Variants in ALMS1 observed in about 807,000 individuals in gnomAD.
The protein encoded by ALMS1 is ALMS1 centrosome and basal body associated protein, also known as centrosome-associated protein ALMS1.
Under a neutral mutation model 352.2 loss-of-function variants are expected in ALMS1, and 271 were observed. The observed-to-expected ratio is 0.77, with a 90% confidence interval of 0.70 to 0.85. ALMS1 has a LOEUF of 0.85. Ranked by LOEUF, ALMS1 falls within the 40% of genes least tolerant of loss-of-function variation. The pLI is 0.00. For missense variants in ALMS1, 5,445 were observed against 4,870.7 expected (o/e 1.12, Z -3.51); for synonymous variants, 1,865 against 1,761.2 (o/e 1.06, Z -1.48).
Position 73,519,986 on chromosome 2 carries a change from C to T in ALMS1, c.9751C>T (p.Gln3251Ter). Residue 3251 changes from glutamine (Q) to a stop codon, truncating the protein, a stop_gained, in exon 11 of 23, where the codon CAA (glutamine) becomes TAA (stop). Transcript: ENST00000613296. LOFTEE classifies it high-confidence loss of function. ...CAAGTTTGCCTCATCATCTTCAGTC[C>T]AACAGGTTACTTTTTCTCGCGGCAC... is the stretch of plus-strand genomic sequence containing the variant. ...PVKFASSSSV[Q>*]QVTFSRGTDG... 6.2e-7 allele frequency: 1 copy of T among 1,614,034 alleles called. No homozygotes were observed. Among genetic ancestry groups the T allele is most frequent in the Non-Finnish European group, 8.5e-7 (1 of 1,179,950 alleles).
chr2:73,485,727 C>A (rs964070300), intron 9 of ALMS1, among the ~76,000 whole-genome samples: 1 of 152,144 alleles, frequency 6.6e-6, no homozygotes, highest in Non-Finnish European at 1.5e-5. Flanking sequence ...ATCAGCGAGA[C>A]TCCGTGGGCC....
chr2:73,448,778 G>T lies in ALMS1; in HGVS notation c.2251G>T (p.Asp751Tyr). The change falls in exon 8 of 23, where the codon GAC becomes TAC. Residue 751 changes from aspartate to tyrosine, a missense_variant. By Grantham distance (160) the Asp-to-Tyr change is radical. Transcript: ENST00000613296. The stretch of plus-strand genomic sequence containing the variant: ...AGTTTCAGCCACTCCTGGACCAGCT[G>T]ACCAGAAGACTGAGATACCAGCAGT... ...TKVSATPGPA[D>Y]QKTEIPAVQS... is the part of the protein sequence containing the mutation. The T allele has an allele frequency of 6.2e-7, 1 of 1,614,152 alleles. No homozygotes were observed. Among genetic ancestry groups the T allele is most frequent in the South Asian group, 1.1e-5 (1 of 91,084 alleles).
At chr2:73,421,994 A>G (rs1014696208) in intron 3 of ALMS1, among the ~76,000 whole-genome samples, 2 of 152,162 alleles carry the variant, frequency 1.3e-5, no homozygotes, top group African/African-American at 4.8e-5. Context: ...TTTTTGGGTA[A>G]CAGGATTCTT....
intron 16 of ALMS1, among the ~76,000 whole-genome samples, chr2:73,576,770 G>T (rs1395717729): frequency 2.0e-5 from 3 of 151,812 alleles, no homozygotes; most frequent in African/African-American, 7.3e-5. Context: ...ACAGGTGCCT[G>T]ACACCATGCC....
chr2:73,422,896 T>C lies in ALMS1; in HGVS notation c.686T>C (p.Leu229Pro), dbSNP rs957824309. The C allele has an allele frequency of 5.6e-6, 9 of 1,613,716 alleles. No homozygotes were observed. Among genetic ancestry groups the C allele is most frequent in the Middle Eastern group, 1.6e-4 (1 of 6,080 alleles). ...TTTGCTTCTCCTGATTTGCCTTTGC[T>C]GACCTGTTTGACACAAGACCAAGAA... ...DSFASPDLPLLTCLTQDQEFA... is the reference protein window; with the variant it reads ...DSFASPDLPLPTCLTQDQEFA... Residue 229 changes from leucine (L) to proline (P), a missense_variant, in exon 4 of 23, where the codon CTG (leucine) becomes CCG (proline). Coordinates refer to ENST00000613296, the MANE Select transcript of ALMS1 (RefSeq NM_001378454.1).
intron 9 of ALMS1, among the ~76,000 whole-genome samples, chr2:73,476,460 T>C (rs2103854519): frequency 6.6e-6 from 1 of 152,230 alleles, no homozygotes; most frequent in African/African-American, 2.4e-5. Context: ...TTTTAAGTTT[T>C]TGAGGAAGCT....
intron 13 of ALMS1, among the ~76,000 whole-genome samples, chr2:73,554,685 C>A (rs1271236584): frequency 6.6e-6 from 1 of 152,096 alleles, no homozygotes; most frequent in Non-Finnish European, 1.5e-5. Flanking sequence ...TGCACTCCAG[C>A]CTGTCGTATT....
chr2:73,440,406 A>C (rs1435725332), intron 7 of ALMS1, among the ~76,000 whole-genome samples: 1 of 151,578 alleles, frequency 6.6e-6, no homozygotes, highest in Non-Finnish European at 1.5e-5. Flanking sequence ...GACTCATCTT[A>C]TTTGCATCAT....
At chr2:73,466,392 C>G (rs1004278879) in intron 9 of ALMS1, among the ~76,000 whole-genome samples, 1 of 150,074 alleles carries the variant, frequency 6.7e-6, no homozygotes, top group Non-Finnish European at 1.5e-5. Flanking sequence ...GGACAAAAAA[C>G]CAAACACCAC....
intron 2 of ALMS1, among the ~76,000 whole-genome samples, chr2:73,416,018 GA>G (rs1400711789): frequency 6.6e-6 from 1 of 152,128 alleles, no homozygotes; most frequent in East Asian, 1.9e-4. Flanking sequence ...TCAGAGGATG[GA>G]CAGAAAGACT....
chr2:73,411,009 A>G (rs529127625), intron 2 of ALMS1, among the ~76,000 whole-genome samples: 62 of 152,152 alleles, frequency 4.1e-4, no homozygotes, highest in African/African-American at 1.5e-3. Flanking sequence ...GGGCCATTAA[A>G]TGGAAGAGGA....
At chr2:73,512,883 G>A (rs1284008985) in intron 10 of ALMS1, among the ~76,000 whole-genome samples, 1 of 152,128 alleles carries the variant, frequency 6.6e-6, no homozygotes, top group African/African-American at 2.4e-5. Context: ...TCTTCCAGTG[G>A]AATGTGCTAT....
chr2:73,608,003 C>G (rs981494428), intron 21 of ALMS1, among the ~76,000 whole-genome samples: 10 of 152,120 alleles, frequency 6.6e-5, no homozygotes, highest in African/African-American at 2.4e-4. Context: ...ATAATTTCCT[C>G]TCTGGAGCCT....
chr2:73,576,161 T>C (rs1675050629), intron 16 of ALMS1, among the ~76,000 whole-genome samples: 1 of 152,220 alleles, frequency 6.6e-6, no homozygotes, highest in Non-Finnish European at 1.5e-5. Flanking sequence ...CTCTCTATTC[T>C]GTTAGTCTAT....
intron 19 of ALMS1, among the ~76,000 whole-genome samples, chr2:73,601,883 A>G (rs1193218899): frequency 6.6e-6 from 1 of 152,234 alleles, no homozygotes; most frequent in Non-Finnish European, 1.5e-5. Context: ...ATTTGTCTGA[A>G]TAGATCTTTA....
chr2:73,508,828 G>A (rs577760474), intron 10 of ALMS1, among the ~76,000 whole-genome samples: 3 of 152,256 alleles, frequency 2.0e-5, no homozygotes, highest in African/African-American at 7.2e-5. Flanking sequence ...GGGCTTTAAA[G>A]TCTCCCACTA....
rs1283511489 is a variant in ALMS1 at position 73,448,802 on chromosome 2, G to A, written c.2275G>A (p.Val759Ile). The A allele has an allele frequency of 3.7e-6, 6 of 1,614,072 alleles. No individual in the cohort carries two copies. Among genetic ancestry groups the A allele is most frequent in the Non-Finnish European group, 5.1e-6 (6 of 1,179,970 alleles). The change falls in exon 8 of 23, where the codon GTA (valine) becomes ATA (isoleucine). Residue 759 changes from valine (V) to isoleucine (I), a missense_variant. Physicochemically the swap from Val to Ile is conservative, Grantham distance 29. Coordinates refer to ENST00000613296, the MANE Select transcript of ALMS1 (RefSeq NM_001378454.1). ...PADQKTEIPA[V>I]QSSSYSQREK... ...TGACCAGAAGACTGAGATACCAGCA[G>A]TACAGTCTAGTTCTTACTCACAAAG... is the stretch of plus-strand genomic sequence containing the variant.
intron 9 of ALMS1, chr2:73,456,624 A>G (rs759985924): frequency 6.6e-6 from 1 of 152,222 alleles, no homozygotes; most frequent in Non-Finnish European, 1.5e-5. Flanking sequence ...AGTTTCTTAG[A>G]AAACTATTCT....
chr2:73,573,576 C>T, intron 16 of ALMS1, 152 bp downstream of exon 16: 2 of 793,506 alleles, frequency 2.5e-6, no homozygotes, highest in African/African-American at 1.7e-5. Flanking sequence ...AAGTGTAGTA[C>T]AGTGCTATTG....
Sources: gnomAD v4.1 joint callset for allele counts (sites outside exome capture counted in the v4.1 genomes callset) on GRCh38, gnomAD v4.1.1 for gene constraint, MANE v1.5 for transcripts, NCBI Gene and HGNC (gene_info 2026-07-23, HGNC 2026-07-21) for gene names.